The following KIF15 variants were observed in gnomAD, a reference collection of about 807,000 sequenced individuals.
The protein encoded by KIF15 is kinesin-like protein KIF15.
In KIF15, 140 loss-of-function variants were observed where a neutral mutation model predicts 190.6. That is an observed-to-expected ratio of 0.73 (90% confidence interval 0.64 to 0.84). The LOEUF (loss-of-function observed/expected upper bound fraction) is 0.84, where lower values mean the gene tolerates loss of function less well. KIF15 is among the 40% of genes least tolerant of loss of function. The pLI, the probability that KIF15 is intolerant of heterozygous loss-of-function variation, is 0.00. For missense variants in KIF15, 1,372 were observed against 1,584.4 expected (o/e 0.87, Z 2.28); for synonymous variants, 528 against 551.3 (o/e 0.96, Z 0.59).
chr3:44,773,353 G>T (rs1705726945), intron 1 of KIF15, among the ~76,000 whole-genome samples: 1 of 152,150 alleles, frequency 6.6e-6, no homozygotes, highest in African/African-American at 2.4e-5. Flanking sequence ...GGGAGGGGAG[G>T]ACTCTGTGGG....
intron 3 of KIF15, among the ~76,000 whole-genome samples, chr3:44,776,990 A>T (rs1173812759): frequency 1.0e-4 from 12 of 116,832 alleles, no homozygotes; most frequent in South Asian, 2.8e-4. Flanking sequence ...AACATCACAG[A>T]TTTTTTTTTT....
chr3:44,818,689 T>C (rs1488072509), intron 20 of KIF15, among the ~76,000 whole-genome samples: 1 of 152,232 alleles, frequency 6.6e-6, no homozygotes, highest in Non-Finnish European at 1.5e-5. Flanking sequence ...ATCAGAAATA[T>C]TGATCTAAAA....
At chr3:44,763,394 C>T (rs549493909) in intron 1 of KIF15, among the ~76,000 whole-genome samples, 4 of 152,072 alleles carry the variant, frequency 2.6e-5, no homozygotes, top group South Asian at 2.1e-4. Flanking sequence ...CTCCGCCTCC[C>T]GGGTTCAAGA....
At position 44,778,102 on chromosome 3, in the gene KIF15, G is replaced by T; in HGVS notation, c.247-13G>T. The T allele has an allele frequency of 1.2e-6, 2 of 1,607,660 alleles. No individual in the cohort carries two copies. The highest frequency in any genetic ancestry group is 1.7e-6 in the Non-Finnish European group (2 of 1,174,194). Reference sequence around the variant, plus strand: ...TTTTTATGATATGTTAACATGTTTGGTTACATTTGTAGGAATCTGTATTCG... The same window carrying T: ...TTTTTATGATATGTTAACATGTTTGTTTACATTTGTAGGAATCTGTATTCG... On this transcript the variant is annotated splice_polypyrimidine_tract_variant and intron_variant, in intron 3 of 34. Coordinates refer to ENST00000326047, the MANE Select transcript of KIF15 (RefSeq NM_020242.3).
chr3:44,780,970 A>G (rs761543416), intron 5 of KIF15, 48 bp downstream of exon 5: 1 of 1,321,536 alleles, frequency 7.6e-7, no homozygotes, highest in South Asian at 1.3e-5. Flanking sequence ...TTTCTGTGAT[A>G]ACAGTAACCT....
chr3:44,826,280 T>G (rs1575654446), intron 21 of KIF15, 91 bp downstream of exon 21: 1 of 1,551,390 alleles, frequency 6.4e-7, no homozygotes, highest in African/African-American at 1.4e-5. Flanking sequence ...TTTGCTATAC[T>G]TGCCCACAGT....
At chr3:44,850,871 T>C (rs775283673) in intron 32 of KIF15, among the ~76,000 whole-genome samples, 12 of 152,262 alleles carry the variant, frequency 7.9e-5, no homozygotes, top group Admixed American at 5.2e-4. Context: ...TTGTGTATTA[T>C]ATCATTTCAG....
Position 44,794,414 on chromosome 3 carries a change from G to A in KIF15, c.837G>A (p.Gly279=). Residue 279 remains glycine (G), a synonymous_variant, in exon 8 of 35, where the codon GGG becomes GGA. Transcript: ENST00000326047. ...SERQKDTHAE[G]MRLKEAGNIN... ...GGCAAAAAGATACCCATGCAGAAGG[G>A]ATGAGATTGAAGGTAAGAATGAAAT... 6.3e-7 allele frequency: 1 copy of A among 1,595,600 alleles called. No homozygotes were observed. Among genetic ancestry groups the A allele is most frequent in the Non-Finnish European group, 8.5e-7 (1 of 1,170,066 alleles).
At chr3:44,864,253 G>C in intron 6 of KIF15, 1 of 1,614,216 alleles carries the variant, frequency 6.2e-7, no homozygotes, top group South Asian at 1.1e-5. Flanking sequence ...CCAATTCTCT[G>C]ATGTGGACCT....
intron 7 of KIF15, among the ~76,000 whole-genome samples, chr3:44,789,213 A>G (rs1002620686): frequency 1.8e-4 from 27 of 152,170 alleles, no homozygotes; most frequent in Admixed American, 1.2e-3. Flanking sequence ...TTAATACTAT[A>G]AATTTTTACT....
At chr3:44,804,913 T>C in intron 14 of KIF15, 114 bp from the exon 15 acceptor site, 3 of 1,131,426 alleles carry the variant, frequency 2.7e-6, no homozygotes, top group Non-Finnish European at 3.7e-6. Context: ...TTTGGGGCTT[T>C]AGTACACTAT....
intron 4 of KIF15, among the ~76,000 whole-genome samples, chr3:44,779,236 A>C (rs924333519): frequency 7.2e-5 from 11 of 152,130 alleles, no homozygotes; most frequent in African/African-American, 2.7e-4. Flanking sequence ...ATGATGCTAC[A>C]AGATGCTCTG....
At chr3:44,780,381 A>G (rs1051502333) in intron 4 of KIF15, among the ~76,000 whole-genome samples, 1 of 152,196 alleles carries the variant, frequency 6.6e-6, no homozygotes, top group African/African-American at 2.4e-5. Flanking sequence ...TTTTAAAGAC[A>G]AAGAATTTAG....
At chr3:44,775,100 CA>C (rs35117351) in intron 2 of KIF15, among the ~76,000 whole-genome samples, 153 bp from the exon 3 acceptor site, 38 of 140,226 alleles carry the variant, frequency 2.7e-4, no homozygotes, top group Middle Eastern at 7.4e-3. Flanking sequence ...AACTCCATCT[CA>C]AAAAAAAAAA....
At chr3:44,766,749 G>A (rs1230824427) in intron 1 of KIF15, among the ~76,000 whole-genome samples, 1 of 150,264 alleles carries the variant, frequency 6.7e-6, no homozygotes, top group Non-Finnish European at 1.5e-5. Flanking sequence ...TTCTTGGTTT[G>A]CTGTTTGTCT....
chr3:44,830,893 C>T lies in KIF15; in HGVS notation c.3049-3C>T, dbSNP rs1224991234. On this transcript the variant is annotated splice_polypyrimidine_tract_variant and splice_region_variant and intron_variant, in intron 25 of 34. Coordinates refer to ENST00000326047, the MANE Select transcript of KIF15 (RefSeq NM_020242.3). ...TCTTATAGCATGACTTTCTTTTCTA[C>T]AGTGCAAATACAACTCTGCTTTGGT... The T allele has an allele frequency of 6.2e-7, 1 of 1,609,616 alleles. No homozygotes were observed. The highest frequency in any genetic ancestry group is 1.3e-5 in the African/African-American group (1 of 74,734).
chr3:44,865,046 C>T (rs147012039), intron 6 of KIF15: 41 of 1,613,946 alleles, frequency 2.5e-5, no homozygotes, highest in Non-Finnish European at 1.4e-5. Flanking sequence ...GCAGGCCTTC[C>T]TGGGCTATGT....
Position 44,801,990 on chromosome 3 carries a change from C to T in KIF15, c.1509+16C>T, listed in dbSNP as rs2125638912. On this transcript the variant is annotated intron_variant, in intron 13 of 34. Transcript: ENST00000326047. ...GCGAGAACAAGTGAGTATACGGCATCTATAATATTTCTAAAAATAAAAGAA... is the reference window on the plus strand; with the variant it reads ...GCGAGAACAAGTGAGTATACGGCATTTATAATATTTCTAAAAATAAAAGAA... 1 of 1,522,110 alleles carries T rather than the reference C, an allele frequency of 6.6e-7. No homozygotes were observed. The highest frequency in any genetic ancestry group is 9.0e-7 in the Non-Finnish European group (1 of 1,115,028). 94.3% of individuals were successfully genotyped at this position (1,522,110 alleles called of 1,614,324 possible).
In KIF15 at chr3:44,805,224, G is replaced by A. The variant is rs182615872; in HGVS notation, c.1829+56G>A. ...TATTTTCTTTCAGTGTTCATTTGCT[G>A]TAGTGTTAATATCGATAATTCAATT... On this transcript the variant is annotated intron_variant, in intron 15 of 34. Coordinates refer to ENST00000326047, the MANE Select transcript of KIF15 (RefSeq NM_020242.3). 2.9e-4 allele frequency: 443 copies of A among 1,517,764 alleles called. 1 individual carries two copies. The African/African-American group carries it at 5.4e-3, about 18-fold the overall frequency. 94.0% of individuals were successfully genotyped at this position (1,517,764 alleles called of 1,614,324 possible). A position where few individuals can be genotyped will look rare whatever the true frequency, so the allele number is the denominator to read the frequency against.
Sources: gnomAD v4.1 joint callset for allele counts (sites outside exome capture counted in the v4.1 genomes callset) on GRCh38, gnomAD v4.1.1 for gene constraint, MANE v1.5 for transcripts, NCBI Gene and HGNC (gene_info 2026-07-23, HGNC 2026-07-21) for gene names.